Variants in ATG7 observed in about 807,000 individuals in gnomAD.
The protein encoded by ATG7 is autophagy related 7, also known as ubiquitin-like modifier-activating enzyme ATG7.
A neutral mutation model predicts 82.4 loss-of-function variants in ATG7; 70 were observed. The observed-to-expected ratio is 0.85, with a 90% CI of 0.70 to 1.04. The LOEUF is 1.04. Among genes scored for constraint, ATG7 ranks in the 50% least tolerant of loss-of-function variants. ATG7 has a pLI of 0.00. For missense variants in ATG7, 792 were observed against 864.3 expected (o/e 0.92, Z 1.05); for synonymous variants, 287 against 313.0 (o/e 0.92, Z 0.88).
intron 20 of ATG7, among the ~76,000 whole-genome samples, chr3:11,456,480 T>C (rs1039756685): frequency 6.6e-6 from 1 of 152,218 alleles, no homozygotes; most frequent in African/African-American, 2.4e-5. Context: ...TACACGTTTT[T>C]GTTGTTTTGG....
chr3:11,572,494 T>C, the ATG7 span, among the ~76,000 whole-genome samples: 54 of 152,192 alleles, frequency 3.5e-4, no homozygotes, highest in African/African-American at 1.3e-3. Context: ...CAGCAGAACA[T>C]GCAGACGCAT....
At position 11,554,988 on chromosome 3, in the gene ATG7, AG is replaced by A. The variant is rs1382815782; in HGVS notation, c.*147del. 1.7e-5 allele frequency: 17 copies of A among 1,014,446 alleles called. No homozygotes were observed. Among genetic ancestry groups the A allele is most frequent in the African/African-American group, 4.9e-5 (3 of 61,044 alleles). The allele number at this position is 1,014,446 out of a possible 1,614,324, so 62.8% of individuals were successfully genotyped here. A position where few individuals can be genotyped will look rare whatever the true frequency, so the allele number is the denominator to read the frequency against. On this transcript the variant is annotated 3_prime_UTR_variant, in exon 21 of 21. Coordinates refer to ENST00000693202, the MANE Select transcript of ATG7 (RefSeq NM_001349232.2). ...TCTGGGATTCCCCCCTCTGCTGCCC[AG>A]GAGTGGCCAGTGTTCGGCGTTGCTC...
At chr3:11,314,043 A>G (rs1446958967) in intron 8 of ATG7, among the ~76,000 whole-genome samples, 3 of 152,202 alleles carry the variant, frequency 2.0e-5, no homozygotes, top group Non-Finnish European at 2.9e-5. Flanking sequence ...TTCATTTTCA[A>G]TGTGGGGAAA....
At chr3:11,410,150 T>G (rs1462265593) in intron 19 of ATG7, among the ~76,000 whole-genome samples, 1 of 152,202 alleles carries the variant, frequency 6.6e-6, no homozygotes, top group African/African-American at 2.4e-5. Flanking sequence ...TAGGTCAAAT[T>G]GGGAAAAACT....
chr3:11,528,494 A>G (rs1015532144), intron 20 of ATG7, among the ~76,000 whole-genome samples: 1 of 152,204 alleles, frequency 6.6e-6, no homozygotes, highest in Non-Finnish European at 1.5e-5. Context: ...ACAGTCTGAC[A>G]TAGAGTCTAC....
chr3:11,282,854 G>A (rs745556080), intron 3 of ATG7, among the ~76,000 whole-genome samples: 27 of 152,112 alleles, frequency 1.8e-4, no homozygotes, highest in Non-Finnish European at 2.9e-4. Context: ...GCCCCCTCCC[G>A]ACTCCTGGTG....
chr3:11,286,757 T>A (rs994027990), intron 3 of ATG7, among the ~76,000 whole-genome samples: 14 of 151,490 alleles, frequency 9.2e-5, no homozygotes, highest in African/African-American at 3.4e-4. Flanking sequence ...GCCACCGCCA[T>A]GCCCAGCTAA....
downstream of ATG7, among the ~76,000 whole-genome samples, chr3:11,560,260 C>T (rs895283741): frequency 3.3e-5 from 5 of 152,166 alleles, no homozygotes; most frequent in South Asian, 6.2e-4. Flanking sequence ...TATGTCTGGC[C>T]CCCCAGCTTT....
At chr3:11,536,955 C>A (rs2070361524) in intron 20 of ATG7, among the ~76,000 whole-genome samples, 1 of 152,158 alleles carries the variant, frequency 6.6e-6, no homozygotes, top group African/African-American at 2.4e-5. Context: ...CCCGTATACT[C>A]CCCTCCATGT....
At chr3:11,299,755 A>G (rs1176738284) in intron 5 of ATG7, among the ~76,000 whole-genome samples, 3 of 152,050 alleles carry the variant, frequency 2.0e-5, no homozygotes, top group Admixed American at 6.5e-5. Context: ...CCTTTAGTCC[A>G]TGGGCATTGT....
chr3:11,449,960 C>A lies in ATG7; in HGVS notation c.2079+23034C>A, dbSNP rs547107198. ...ACAGCATCAAGTTTTGTGTTTGGCC[C>A]TCAATAAACTAGTCTCTCTGTACCC... On this transcript the variant is annotated intron_variant, in intron 20 of 20. Coordinates refer to ENST00000693202, the MANE Select transcript of ATG7 (RefSeq NM_001349232.2). Among the ~76,000 whole-genome samples the A allele has an allele frequency of 4.6e-5, 7 of 152,310 alleles. No homozygotes were observed. In the East Asian group the frequency reaches 1.3e-3, roughly 29 times the overall value.
Position 11,375,311 on chromosome 3 carries a change from A to G in ATG7, c.1876-4661A>G, listed in dbSNP as rs539895200. Among the ~76,000 whole-genome samples, 18 of 152,332 alleles carry G rather than the reference A, an allele frequency of 1.2e-4. No individual in the cohort carries two copies. In the South Asian group the frequency reaches 3.5e-3, roughly 30 times the overall value. On this transcript the variant is annotated intron_variant, in intron 18 of 20. Transcript: ENST00000693202. ...AGAATATGTAACAAACTTACAATAC[A>G]GCAATTTAAAAAATGTTTAAAACTT... is the stretch of plus-strand genomic sequence containing the variant.
At chr3:11,336,036 ATT>A (rs541306159) in intron 11 of ATG7, among the ~76,000 whole-genome samples, 4,636 of 111,546 alleles carry the variant, frequency 0.042, 244 homozygotes, top group African/African-American at 0.16. Flanking sequence ...GTGCCCGGTC[ATT>A]TTTTTTTTTT....
At chr3:11,525,887 G>C (rs941530026) in intron 20 of ATG7, among the ~76,000 whole-genome samples, 1 of 152,078 alleles carries the variant, frequency 6.6e-6, no homozygotes, top group African/African-American at 2.4e-5. Flanking sequence ...AAGACCACTA[G>C]CAGCTGCTGA....
rs536827231 is a variant in ATG7, at chr3:11,488,538, G to A, written c.2079+61612G>A. ...TCCCGGCTCCGCACTGCCCCGGGCC[G>A]CAGCGCAGCGGCGCCAACCACCACC... On this transcript the variant is annotated intron_variant, in intron 20 of 20. Coordinates refer to ENST00000693202, the MANE Select transcript of ATG7 (RefSeq NM_001349232.2). 6.7e-5 allele frequency: 74 copies of A among 1,096,786 alleles called. 1 individual carries two copies. Among genetic ancestry groups the A allele is most frequent in the Admixed American group, 6.2e-4 (13 of 21,090 alleles). 67.9% of individuals were successfully genotyped at this position (1,096,786 alleles called of 1,614,324 possible). A position where few individuals can be genotyped will look rare whatever the true frequency, so the allele number is the denominator to read the frequency against.
At chr3:11,502,445 A>T (rs572138434) in intron 20 of ATG7, among the ~76,000 whole-genome samples, 23 of 138,730 alleles carry the variant, frequency 1.7e-4, no homozygotes, top group African/African-American at 5.7e-4. Context: ...TCATTGTTCA[A>T]TTCCCACCTA....
intron 2 of ATG7, among the ~76,000 whole-genome samples, chr3:11,281,554 C>T (rs772617598): frequency 7.9e-5 from 12 of 152,108 alleles, no homozygotes; most frequent in Admixed American, 1.3e-4. Flanking sequence ...AGGTGGATCA[C>T]CTGAGGTCAG....
At chr3:11,529,022 C>T (rs1455377817) in intron 20 of ATG7, among the ~76,000 whole-genome samples, 1 of 151,714 alleles carries the variant, frequency 6.6e-6, no homozygotes, top group Non-Finnish European at 1.5e-5. Context: ...GCCTGGAGGA[C>T]ATTTCAGGTA....
At chr3:11,506,115 G>T (rs977333771) in intron 20 of ATG7, among the ~76,000 whole-genome samples, 1 of 152,134 alleles carries the variant, frequency 6.6e-6, no homozygotes, top group African/African-American at 2.4e-5. Flanking sequence ...CTCTGTAAAT[G>T]TGCCTTCTTT....
Sources: gnomAD v4.1 joint callset for allele counts (sites outside exome capture counted in the v4.1 genomes callset) on GRCh38, gnomAD v4.1.1 for gene constraint, MANE v1.5 for transcripts, NCBI Gene and HGNC (gene_info 2026-07-23, HGNC 2026-07-21) for gene names.